The following ARPC1A variants were observed in gnomAD, a reference collection of about 807,000 sequenced individuals.
ARPC1A encodes the protein actin-related protein 2/3 complex subunit 1A.
A neutral mutation model predicts 46.9 loss-of-function variants in ARPC1A; 8 were observed. That is an observed-to-expected ratio of 0.17 (90% CI 0.10 to 0.31). ARPC1A has a LOEUF of 0.31. Ranked by LOEUF, ARPC1A falls within the 10% of genes least tolerant of loss-of-function variation. The pLI, the probability that ARPC1A is intolerant of heterozygous loss-of-function variation, is 1.00. For missense variants in ARPC1A, 286 were observed against 483.6 expected (o/e 0.59, Z 3.83); for synonymous variants, 152 against 169.0 (o/e 0.90, Z 0.78).
At chr7:99,360,587 A>C (rs1481155212) in intron 8 of ARPC1A, among the ~76,000 whole-genome samples, 1 of 152,058 alleles carries the variant, frequency 6.6e-6, no homozygotes, top group Admixed American at 6.6e-5. Flanking sequence ...TCAGCCTCCC[A>C]AATTGCTGGA....
At chr7:99,339,986 A>G (rs1431720731) in intron 3 of ARPC1A, 20 of 456,152 alleles carry the variant, frequency 4.4e-5, no homozygotes, top group Non-Finnish European at 7.9e-5. Flanking sequence ...TGAAGAATGC[A>G]TGAAAGGTTC....
At chr7:99,350,681 T>C (rs1288721863) in intron 5 of ARPC1A, among the ~76,000 whole-genome samples, 5 of 141,038 alleles carry the variant, frequency 3.5e-5, no homozygotes, top group African/African-American at 1.3e-4. Context: ...GGTCTTGCTC[T>C]GTCACCCAGG....
At chr7:99,341,266 G>A (rs577977076) in intron 3 of ARPC1A, among the ~76,000 whole-genome samples, 19 of 151,872 alleles carry the variant, frequency 1.3e-4, no homozygotes, top group Admixed American at 4.6e-4. Context: ...CTGAGATGGC[G>A]CCACTGCACT....
intron 8 of ARPC1A, among the ~76,000 whole-genome samples, chr7:99,361,773 C>T (rs568028681): frequency 6.6e-6 from 1 of 152,286 alleles, no homozygotes; most frequent in African/African-American, 2.4e-5. Flanking sequence ...TGTCAGCTAA[C>T]TTTTTCTGTA....
chr7:99,363,432 AAAG>A (rs1439695059), intron 8 of ARPC1A, 108 bp from the exon 9 acceptor site: 6 of 805,232 alleles, frequency 7.5e-6, no homozygotes, highest in African/African-American at 3.5e-5. Context: ...TTTAAAAAAT[AAAG>A]AAGAAGATAA....
chr7:99,353,457 CTTATTTATTTAT>C (rs56733844), intron 5 of ARPC1A, among the ~76,000 whole-genome samples: 59 of 139,484 alleles, frequency 4.2e-4, no homozygotes, highest in African/African-American at 1.0e-3. Flanking sequence ...CGCACCCAGC[CTTATTTATTTAT>C]TTATTTATTT....
intron 1 of ARPC1A, among the ~76,000 whole-genome samples, chr7:99,331,022 A>G (rs2150857595): frequency 6.6e-6 from 1 of 152,358 alleles, no homozygotes; most frequent in African/African-American, 2.4e-5. Flanking sequence ...AAAAAGTATT[A>G]TCACAAACGC....
At chr7:99,328,848 G>C (rs990431112) in intron 1 of ARPC1A, among the ~76,000 whole-genome samples, 1 of 152,128 alleles carries the variant, frequency 6.6e-6, no homozygotes, top group African/African-American at 2.4e-5. Context: ...CTACTCAGGA[G>C]GCTAAAGTGG....
At chr7:99,331,264 G>A (rs183383954) in intron 1 of ARPC1A, among the ~76,000 whole-genome samples, 2 of 152,222 alleles carry the variant, frequency 1.3e-5, no homozygotes, top group Non-Finnish European at 2.9e-5. Flanking sequence ...GCTTGGTGGT[G>A]CATGCTTGTA....
At chr7:99,355,602 A>G (rs145809278) in intron 6 of ARPC1A, among the ~76,000 whole-genome samples, 1,552 of 150,944 alleles carry the variant, frequency 0.01, 20 homozygotes, top group African/African-American at 0.036. Flanking sequence ...AAATTAGCCC[A>G]GCATGGTGGC....
intron 8 of ARPC1A, among the ~76,000 whole-genome samples, chr7:99,360,934 C>T (rs2150874903): frequency 7.6e-6 from 1 of 131,796 alleles, no homozygotes; most frequent in Non-Finnish European, 1.5e-5. Context: ...GAGTGAGACT[C>T]CGTCTCAAAA....
chr7:99,363,471 C>G (rs1177037282), intron 8 of ARPC1A, 72 bp from the exon 9 acceptor site: 4 of 1,090,434 alleles, frequency 3.7e-6, no homozygotes, highest in Non-Finnish European at 5.6e-6. Context: ...TGCCCTTACA[C>G]TATTAGTCAG....
At chr7:99,341,704 G>A (rs547676619) in intron 3 of ARPC1A, among the ~76,000 whole-genome samples, 2 of 151,732 alleles carry the variant, frequency 1.3e-5, no homozygotes, top group South Asian at 2.1e-4. Context: ...CAAAGAAATC[G>A]CCAAAAATGT....
At position 99,366,106 on chromosome 7, in the gene ARPC1A, ATTTTTTTGTTTG is replaced by A. The variant is rs535574156; in HGVS notation, c.*186_*197del. ...AAGTGTTGGTTTTTTTAAGGCAGTA[ATTTTTTTGTTTG>A]TTTTTTTGCGATTTCATTCCATTCT... On this transcript the variant is annotated 3_prime_UTR_variant, in exon 10 of 10. Transcript: ENST00000262942. The A allele has an allele frequency of 2.2e-3, 1,650 of 738,506 alleles. 3 individuals are homozygous for A. The highest frequency in any genetic ancestry group is 3.0e-3 in the Non-Finnish European group (1,415 of 471,086). 45.7% of individuals were successfully genotyped at this position (738,506 alleles called of 1,614,324 possible). A position where few individuals can be genotyped will look rare whatever the true frequency, so the allele number is the denominator to read the frequency against.
chr7:99,350,271 G>A (rs2150868781), intron 5 of ARPC1A, among the ~76,000 whole-genome samples: 1 of 152,204 alleles, frequency 6.6e-6, no homozygotes, highest in Admixed American at 6.6e-5. Flanking sequence ...CTCTTTCTGT[G>A]TCTCCCTTTC....
chr7:99,348,310 C>T (rs1306112103), intron 4 of ARPC1A, among the ~76,000 whole-genome samples: 1 of 152,198 alleles, frequency 6.6e-6, no homozygotes, highest in African/African-American at 2.4e-5. Flanking sequence ...AATATCTATG[C>T]TTACTAATGA....
At chr7:99,365,411 G>T (rs1377116967) in intron 9 of ARPC1A, among the ~76,000 whole-genome samples, 1 of 151,894 alleles carries the variant, frequency 6.6e-6, no homozygotes, top group Non-Finnish European at 1.5e-5. Context: ...GACCAGCCTG[G>T]GCAACACAGT....
intron 5 of ARPC1A, among the ~76,000 whole-genome samples, chr7:99,349,307 C>T (rs1188066600): frequency 6.6e-6 from 1 of 152,044 alleles, no homozygotes; most frequent in Admixed American, 6.6e-5. Flanking sequence ...AAGTGATCCT[C>T]CCTCCTTGGC....
intron 8 of ARPC1A, 185 bp from the exon 9 acceptor site, chr7:99,363,358 T>C: frequency 1.8e-6 from 1 of 560,488 alleles, no homozygotes; most frequent in Admixed American, 3.7e-5. Context: ...GGCAGGAGGA[T>C]CACTTGAGCC....
Sources: gnomAD v4.1 joint callset for allele counts (sites outside exome capture counted in the v4.1 genomes callset) on GRCh38, gnomAD v4.1.1 for gene constraint, MANE v1.5 for transcripts, NCBI Gene and HGNC (gene_info 2026-07-23, HGNC 2026-07-21) for gene names.